ABI3BP: variants seen among roughly 807,000 people sequenced by gnomAD.
ABI3BP encodes target of Nesh-SH3.
Under a neutral mutation model 268.6 loss-of-function variants are expected in ABI3BP, and 216 were observed. The ratio of observed to expected loss-of-function variants is 0.80; its 90% confidence interval spans 0.72 to 0.90. The LOEUF (loss-of-function observed/expected upper bound fraction) is 0.90, where lower values mean the gene tolerates loss of function less well. Ranked by LOEUF, ABI3BP falls within the 40% of genes least tolerant of loss-of-function variation. ABI3BP has a pLI of 0.00. For synonymous variants in ABI3BP, 730 were observed against 730.0 expected, an observed-to-expected ratio of 1.00 and a Z score of 0.00; for missense variants, 2,090 against 2,182.4, an observed-to-expected ratio of 0.96 and a Z score of 0.84.
Position 100,843,629 on chromosome 3 carries a change from G to A in ABI3BP, c.1724-1590C>T. On this transcript the variant is annotated intron_variant, in intron 20 of 67. Coordinates refer to ENST00000471714, the MANE Select transcript of ABI3BP (RefSeq NM_001375547.2). ...GAGAGAGGAGAGTATGCATGTGAGA[G>A]AGAGTGTGTGAGAAAGAGAAAGGGA... is the stretch of plus-strand genomic sequence containing the variant. The A allele has an allele frequency of 1.1e-5, 11 of 984,216 alleles. No individual in the cohort carries two copies. The South Asian group carries it at 5.2e-4, about 46-fold the overall frequency. 61.0% of individuals were successfully genotyped at this position (984,216 alleles called of 1,614,324 possible). A position where few individuals can be genotyped will look rare whatever the true frequency, so the allele number is the denominator to read the frequency against.
chr3:100,763,214 A>G (rs898116923), intron 63 of ABI3BP, among the ~76,000 whole-genome samples: 8 of 152,244 alleles, frequency 5.3e-5, no homozygotes, highest in African/African-American at 1.7e-4. Flanking sequence ...TAATCCCAGC[A>G]CTTTGGGAAG....
rs546458424 is a variant in ABI3BP at position 100,894,746 on chromosome 3, T to C, written c.461+4016A>G. ...CGAGGTCAGGAGATCAAGAACATCCTGGCTAACACGGTGAAACCCCACCTG... is the reference window on the plus strand; with the variant it reads ...CGAGGTCAGGAGATCAAGAACATCCCGGCTAACACGGTGAAACCCCACCTG... On this transcript the variant is annotated intron_variant, in intron 4 of 67. Transcript: ENST00000471714. Among the ~76,000 whole-genome samples, 416 of 151,902 alleles carry C rather than the reference T, an allele frequency of 2.7e-3. 1 individual carries two copies. Among genetic ancestry groups the C allele is most frequent in the South Asian group, 7.7e-3 (37 of 4,786 alleles).
At chr3:100,901,883 G>C (rs1043250064) in intron 3 of ABI3BP, among the ~76,000 whole-genome samples, 2 of 152,150 alleles carry the variant, frequency 1.3e-5, no homozygotes, top group Admixed American at 1.3e-4. Context: ...GCAATGGTCA[G>C]CTATATTATT....
intron 58 of ABI3BP, among the ~76,000 whole-genome samples, chr3:100,779,293 T>TG (rs2096798455): frequency 6.6e-6 from 1 of 152,136 alleles, no homozygotes; most frequent in Non-Finnish European, 1.5e-5. Flanking sequence ...GAGGTGTAAG[T>TG]GGGGGACAAA....
chr3:100,883,016 T>C (rs1214623654), intron 6 of ABI3BP, among the ~76,000 whole-genome samples: 1 of 152,144 alleles, frequency 6.6e-6, no homozygotes, highest in Non-Finnish European at 1.5e-5. Context: ...CTATACAATG[T>C]TGACTGGATT....
intron 49 of ABI3BP, among the ~76,000 whole-genome samples, chr3:100,808,686 T>C (rs763870287): frequency 2.6e-5 from 4 of 151,900 alleles, no homozygotes; most frequent in Non-Finnish European, 4.4e-5. Flanking sequence ...AATGGAAAAA[T>C]TAATCTTACT....
chr3:100,828,288 T>C, intron 34 of ABI3BP, 105 bp downstream of exon 34: 1 of 1,045,118 alleles, frequency 9.6e-7, no homozygotes, highest in Non-Finnish European at 1.4e-6. Flanking sequence ...TTATGCATGT[T>C]CAACCGTTAC....
chr3:100,954,150 T>G (rs1191428175), intron 1 of ABI3BP, among the ~76,000 whole-genome samples: 2 of 152,186 alleles, frequency 1.3e-5, no homozygotes, highest in Non-Finnish European at 2.9e-5. Context: ...TATTTACCTT[T>G]TAATTATTAT....
intron 1 of ABI3BP, among the ~76,000 whole-genome samples, chr3:100,971,999 G>C (rs530913482): frequency 4.6e-5 from 7 of 152,118 alleles, no homozygotes; most frequent in Non-Finnish European, 8.8e-5. Context: ...CTAAAAAGGG[G>C]CAGGGAGAAG....
At chr3:100,825,704 T>C (rs1296167380) in intron 35 of ABI3BP, 81 bp downstream of exon 35, 1 of 1,084,892 alleles carries the variant, frequency 9.2e-7, no homozygotes, top group Admixed American at 2.0e-5. Flanking sequence ...CATGCCATGT[T>C]ATAGGGATGA....
chr3:100,831,292 G>T (rs6808242), intron 31 of ABI3BP, among the ~76,000 whole-genome samples: 24,254 of 152,014 alleles, frequency 0.16, 2,040 homozygotes, highest in East Asian at 0.26. Context: ...GGGAAAGAGA[G>T]AGGATGAGGA....
intron 63 of ABI3BP, among the ~76,000 whole-genome samples, chr3:100,760,727 G>A (rs1360468440): frequency 6.6e-6 from 1 of 152,090 alleles, no homozygotes; most frequent in Non-Finnish European, 1.5e-5. Context: ...TGCTCTATTC[G>A]CAGAACTAAA....
At chr3:100,758,867 A>G (rs1157387994) in intron 63 of ABI3BP, among the ~76,000 whole-genome samples, 1 of 152,194 alleles carries the variant, frequency 6.6e-6, no homozygotes, top group Non-Finnish European at 1.5e-5. Flanking sequence ...AGAACCTCCA[A>G]CCTGTAGGCT....
intron 63 of ABI3BP, among the ~76,000 whole-genome samples, chr3:100,761,789 C>G (rs958244720): frequency 6.6e-6 from 1 of 152,192 alleles, no homozygotes; most frequent in African/African-American, 2.4e-5. Context: ...CTACTCCACC[C>G]ATGTCTGTGG....
intron 6 of ABI3BP, among the ~76,000 whole-genome samples, chr3:100,876,948 A>T (rs2099167235): frequency 6.6e-6 from 1 of 152,138 alleles, no homozygotes; most frequent in South Asian, 2.1e-4. Flanking sequence ...AGATCATGCC[A>T]TTGCACTCCA....
At chr3:100,985,304 C>A (rs182979312) in intron 1 of ABI3BP, among the ~76,000 whole-genome samples, 30 of 151,996 alleles carry the variant, frequency 2.0e-4, no homozygotes, top group African/African-American at 6.5e-4. Context: ...CACGTGCCAC[C>A]ATGCCCGGCT....
intron 1 of ABI3BP, among the ~76,000 whole-genome samples, chr3:100,927,837 A>AGT (rs2062310495): frequency 6.6e-6 from 1 of 152,154 alleles, no homozygotes; most frequent in Non-Finnish European, 1.5e-5. Context: ...TGTAAATGGC[A>AGT]CAACCTTAAA....
At position 100,749,482 on chromosome 3, in the gene ABI3BP, A is replaced by G; in HGVS notation, c.*1013T>C. 2 of 395,162 alleles carry G rather than the reference A, an allele frequency of 5.1e-6. No homozygotes were observed. Among genetic ancestry groups the G allele is most frequent in the Non-Finnish European group, 8.9e-6 (2 of 223,920 alleles). The allele number at this position is 395,162 out of a possible 1,614,324, so 24.5% of individuals were successfully genotyped here. ...CTGCAACAGTGCAGCAAGGATTCCC[A>G]TTCCCCGCCTAAAGGACAATACCTT... On this transcript the variant is annotated 3_prime_UTR_variant, in exon 68 of 68. Transcript: ENST00000471714.
At chr3:100,951,686 C>T (rs1198843405) in intron 1 of ABI3BP, among the ~76,000 whole-genome samples, 2 of 151,914 alleles carry the variant, frequency 1.3e-5, no homozygotes, top group Non-Finnish European at 2.9e-5. Context: ...ATACACCTTG[C>T]TCAAAACCCG....
Sources: gnomAD v4.1 joint callset for allele counts (sites outside exome capture counted in the v4.1 genomes callset) on GRCh38, gnomAD v4.1.1 for gene constraint, MANE v1.5 for transcripts, NCBI Gene and HGNC (gene_info 2026-07-23, HGNC 2026-07-21) for gene names.